Variants in CAST observed in about 807,000 individuals in gnomAD.
CAST encodes calpastatin, also known as MIR583 host.
Under a neutral mutation model 119.6 loss-of-function variants are expected in CAST, and 76 were observed. The observed-to-expected ratio is 0.64, with a 90% CI of 0.53 to 0.77. The LOEUF (loss-of-function observed/expected upper bound fraction) is 0.77, where lower values mean the gene tolerates loss of function less well. CAST is among the 30% of genes least tolerant of loss of function. CAST has a pLI of 0.00. For synonymous variants in CAST, 319 were observed against 331.6 expected (o/e 0.96, Z 0.41); for missense variants, 953 against 946.5 (o/e 1.01, Z -0.09).
the CAST span, among the ~76,000 whole-genome samples, chr5:96,023,312 G>C: frequency 1.8e-3 from 267 of 152,296 alleles, 1 homozygote; most frequent in African/African-American, 6.1e-3. Context: ...GCTCTGTGGG[G>C]TCAGGGTGAA....
the CAST span, among the ~76,000 whole-genome samples, chr5:96,257,010 A>G: frequency 6.6e-6 from 1 of 152,112 alleles, no homozygotes; most frequent in African/African-American, 2.4e-5. Flanking sequence ...TTCATAAGAC[A>G]GATGGCCCAG....
the CAST span, among the ~76,000 whole-genome samples, chr5:96,457,495 T>TC: frequency 3.2e-4 from 48 of 152,204 alleles, no homozygotes; most frequent in Non-Finnish European, 4.9e-4. Flanking sequence ...ATGGCTACGT[T>TC]CCCTCCTCGT....
In CAST at chr5:96,740,106, G is replaced by A. The variant is rs763011619; in HGVS notation, c.867G>A (p.Arg289=). ...AAGTCACAATTCCTCCAAAATATAG[G>A]GAACTATTGGCTGTAAGTTAAATAA... is the stretch of plus-strand genomic sequence containing the variant. ...KREVTIPPKY[R]ELLAKKEGIT... The change falls in exon 12 of 32, where the codon AGG becomes AGA. Residue 289 remains arginine (R), a synonymous_variant. Transcript: ENST00000675179. The A allele has an allele frequency of 2.0e-6, 3 of 1,484,714 alleles. No homozygotes were observed. In the Admixed American group the frequency reaches 5.4e-5, roughly 27 times the overall value. 92.0% of individuals were successfully genotyped at this position (1,484,714 alleles called of 1,614,324 possible).
chr5:96,047,326 GT>G, the CAST span, among the ~76,000 whole-genome samples: 1 of 152,072 alleles, frequency 6.6e-6, no homozygotes, highest in Non-Finnish European at 1.5e-5. Context: ...GGTTAGAAAA[GT>G]TTTTATTTTT....
intron 2 of CAST, among the ~76,000 whole-genome samples, chr5:96,682,425 A>T (rs1032272402): frequency 3.9e-5 from 6 of 152,112 alleles, no homozygotes; most frequent in African/African-American, 1.4e-4. Flanking sequence ...CTCCATTATC[A>T]TTCCATCTCA....
chr5:96,442,730 C>T, the CAST span, among the ~76,000 whole-genome samples: 8 of 152,264 alleles, frequency 5.3e-5, no homozygotes, highest in Middle Eastern at 3.4e-3. Context: ...CTACAGGTAC[C>T]CTTGGAGGTC....
At chr5:96,487,303 G>A in the CAST span, among the ~76,000 whole-genome samples, 1 of 152,142 alleles carries the variant, frequency 6.6e-6, no homozygotes, top group Non-Finnish European at 1.5e-5. Context: ...TCTCCCTTGA[G>A]GCTAGACAAT....
chr5:96,570,658 G>A (rs183636250), intron 1 of CAST, among the ~76,000 whole-genome samples: 1 of 152,270 alleles, frequency 6.6e-6, no homozygotes, highest in East Asian at 1.9e-4. Flanking sequence ...GCCCTATAGC[G>A]AGTTTCTCCC....
chr5:96,439,001 C>T, the CAST span, among the ~76,000 whole-genome samples: 57 of 152,082 alleles, frequency 3.7e-4, no homozygotes, highest in Non-Finnish European at 6.0e-4. Context: ...ACAGAGAAAT[C>T]GCTTAGTTTG....
intron 1 of CAST, among the ~76,000 whole-genome samples, chr5:96,629,410 A>C (rs1225189672): frequency 1.3e-5 from 2 of 151,378 alleles, no homozygotes; most frequent in African/African-American, 4.9e-5. Context: ...TATTCTTTCC[A>C]GCGCTCCCCT....
At chr5:96,686,415 C>T (rs1423444367) in intron 2 of CAST, among the ~76,000 whole-genome samples, 1 of 152,036 alleles carries the variant, frequency 6.6e-6, no homozygotes, top group Non-Finnish European at 1.5e-5. Context: ...AAGGATAACT[C>T]AAGTCAAAGA....
intron 1 of CAST, among the ~76,000 whole-genome samples, chr5:96,556,603 G>T (rs996481261): frequency 1.9e-4 from 29 of 152,242 alleles, no homozygotes; most frequent in African/African-American, 6.5e-4. Context: ...GGAAGAAAGG[G>T]TATCAGTGAT....
chr5:96,300,338 A>G, the CAST span, among the ~76,000 whole-genome samples: 3 of 152,096 alleles, frequency 2.0e-5, no homozygotes, highest in African/African-American at 7.2e-5. Context: ...TTTTCCCAAT[A>G]CCATTTAATA....
At chr5:96,662,178 G>A (rs539689477), upstream of CAST, 322 of 427,004 alleles carry the variant, frequency 7.5e-4, 1 homozygote, top group East Asian at 0.013. Context: ...GAGGACCGGG[G>A]CGGAGGGTGT....
chr5:96,749,591 G>A (rs1168803219), intron 19 of CAST, among the ~76,000 whole-genome samples: 1 of 152,166 alleles, frequency 6.6e-6, no homozygotes, highest in African/African-American at 2.4e-5. Flanking sequence ...CTCTCTCCCA[G>A]CTGGGAGTGT....
chr5:96,464,148 A>G, the CAST span, among the ~76,000 whole-genome samples: 4 of 152,050 alleles, frequency 2.6e-5, no homozygotes, highest in Non-Finnish European at 5.9e-5. Context: ...TAAGATACCC[A>G]GGCTAGATGT....
intron 3 of CAST, among the ~76,000 whole-genome samples, chr5:96,703,803 T>G (rs1185174507): frequency 6.6e-6 from 1 of 152,206 alleles, no homozygotes; most frequent in Non-Finnish European, 1.5e-5. Flanking sequence ...ACCTCTGCAT[T>G]GCAGGGAAGC....
At chr5:96,197,899 C>G in the CAST span, among the ~76,000 whole-genome samples, 1 of 152,164 alleles carries the variant, frequency 6.6e-6, no homozygotes, top group Non-Finnish European at 1.5e-5. Context: ...GCTGGGACCA[C>G]AGGTGTGCAC....
chr5:96,432,732 G>A, the CAST span: 2 of 726,978 alleles, frequency 2.8e-6, no homozygotes, highest in Non-Finnish European at 4.9e-6. Flanking sequence ...GCGAGGGCTG[G>A]AGCAGCTCCT....
Sources: allele counts gnomAD v4.1 joint callset (sites outside exome capture counted in the v4.1 genomes callset), GRCh38; gene constraint gnomAD v4.1.1; transcripts MANE v1.5; gene names NCBI Gene and HGNC (gene_info 2026-07-23, HGNC 2026-07-21).